THSD7B: variants seen among roughly 807,000 people sequenced by gnomAD.
The protein encoded by THSD7B is thrombospondin type 1 domain containing 7B.
Under a neutral mutation model 213.6 loss-of-function variants are expected in THSD7B, and 138 were observed. The ratio of observed to expected loss-of-function variants is 0.65; its 90% CI spans 0.56 to 0.74. THSD7B has a LOEUF of 0.74. Ranked by LOEUF, THSD7B falls within the 30% of genes least tolerant of loss-of-function variation. The pLI, the probability that THSD7B is intolerant of heterozygous loss-of-function variation, is 0.00. For synonymous variants in THSD7B, 742 were observed against 687.0 expected, an observed-to-expected ratio of 1.08 and a Z score of -1.25; for missense variants, 1,931 against 1,991.5, an observed-to-expected ratio of 0.97 and a Z score of 0.58.
intron 5 of THSD7B, among the ~76,000 whole-genome samples, chr2:137,138,622 G>T (rs1213428537): frequency 1.3e-5 from 2 of 152,036 alleles, no homozygotes; most frequent in African/African-American, 4.8e-5. Flanking sequence ...AAAATTGGGT[G>T]GGTTTATCAT....
At chr2:137,528,509 A>G (rs958972139) in intron 15 of THSD7B, among the ~76,000 whole-genome samples, 1 of 152,136 alleles carries the variant, frequency 6.6e-6, no homozygotes, top group Non-Finnish European at 1.5e-5. Context: ...GCCTTTACTT[A>G]TAGATCACTC....
At chr2:137,596,567 TTCAA>T (rs1448314012) in intron 17 of THSD7B, among the ~76,000 whole-genome samples, 3 of 152,078 alleles carry the variant, frequency 2.0e-5, no homozygotes, top group Non-Finnish European at 1.5e-5. Context: ...ATGAATTGAC[TTCAA>T]TCAAATTAAT....
intron 15 of THSD7B, among the ~76,000 whole-genome samples, chr2:137,500,871 A>G (rs1558818179): frequency 6.6e-6 from 1 of 152,230 alleles, no homozygotes; most frequent in Non-Finnish European, 1.5e-5. Flanking sequence ...AGAGCTTGGT[A>G]ATTGCACCAG....
At chr2:137,533,284 C>T (rs151286783) in intron 15 of THSD7B, among the ~76,000 whole-genome samples, 3 of 151,824 alleles carry the variant, frequency 2.0e-5, no homozygotes, top group African/African-American at 7.2e-5. Context: ...GGATTGTTTC[C>T]CATAGGAAAT....
intron 1 of THSD7B, among the ~76,000 whole-genome samples, chr2:136,849,993 A>G (rs1683071926): frequency 6.6e-6 from 1 of 152,090 alleles, no homozygotes; most frequent in East Asian, 1.9e-4. Context: ...GTTAAGCAGT[A>G]TCCTTTATTT....
intron 2 of THSD7B, among the ~76,000 whole-genome samples, chr2:137,011,732 T>A (rs944578930): frequency 2.0e-5 from 3 of 152,134 alleles, no homozygotes; most frequent in Admixed American, 2.0e-4. Flanking sequence ...ATCTCATCCA[T>A]CCTTCAAGAC....
rs1406732066 is a variant in THSD7B at position 137,676,589 on chromosome 2, G to A, written c.4805G>A (p.Gly1602Glu). ...QQKPLTLAYDGDLDM is the reference protein window; with the variant it reads ...QQKPLTLAYDEDLDM ...AAGCCTCTGACCTTAGCCTACGATG[G>A]AGACTTAGACATGTAATCTGAAAAA... is the stretch of plus-strand genomic sequence containing the variant. The change falls in exon 28 of 28, where the codon GGA becomes GAA. Residue 1602 changes from glycine (G) to glutamate (E), a missense_variant. Physicochemically the swap from Gly to Glu is moderately conservative, Grantham distance 98. Transcript: ENST00000409968. The A allele has an allele frequency of 1.3e-6, 2 of 1,587,946 alleles. No individual in the cohort carries two copies. The highest frequency in any genetic ancestry group is 1.7e-6 in the Non-Finnish European group (2 of 1,168,650).
In THSD7B at chr2:137,095,216, A is replaced by G. The variant is rs1048958949; in HGVS notation, c.1199+95A>G. The G allele has an allele frequency of 3.4e-6, 5 of 1,472,114 alleles. No homozygotes were observed. In the Admixed American group the frequency reaches 6.1e-5, roughly 18 times the overall value. The allele number at this position is 1,472,114 out of a possible 1,614,324, so 91.2% of individuals were successfully genotyped here. On this transcript the variant is annotated intron_variant, in intron 4 of 27. Transcript: ENST00000409968. ...ATGAAAGTAGCTGTGACTCATATTTATTGAGTCTTCACTCAGTATACAAGT... is the reference window on the plus strand; with the variant it reads ...ATGAAAGTAGCTGTGACTCATATTTGTTGAGTCTTCACTCAGTATACAAGT...
chr2:137,591,390 AT>A (rs1198246937), intron 17 of THSD7B, among the ~76,000 whole-genome samples: 1 of 151,892 alleles, frequency 6.6e-6, no homozygotes, highest in Non-Finnish European at 1.5e-5. Flanking sequence ...TCTCATTTTC[AT>A]TATGTCTACA....
intron 1 of THSD7B, among the ~76,000 whole-genome samples, chr2:136,806,950 A>G (rs996744082): frequency 1.3e-5 from 2 of 152,166 alleles, no homozygotes; most frequent in East Asian, 3.8e-4. Context: ...GGCTTTACTC[A>G]TATTTTTCTC....
chr2:136,851,062 T>C (rs1228397445), intron 1 of THSD7B, among the ~76,000 whole-genome samples: 2 of 152,136 alleles, frequency 1.3e-5, no homozygotes, highest in Admixed American at 1.3e-4. Flanking sequence ...ATCTCACTTT[T>C]CTTTCTGAAA....
At chr2:136,946,545 A>G (rs930868692) in intron 2 of THSD7B, among the ~76,000 whole-genome samples, 2 of 152,222 alleles carry the variant, frequency 1.3e-5, no homozygotes, top group African/African-American at 4.8e-5. Flanking sequence ...TTAAGTCTGC[A>G]GAAGTTTCTG....
chr2:137,533,715 G>A (rs1274819899), intron 15 of THSD7B, among the ~76,000 whole-genome samples: 1 of 151,884 alleles, frequency 6.6e-6, no homozygotes, highest in African/African-American at 2.4e-5. Flanking sequence ...TAGCATGTGA[G>A]CCCTTAGCCT....
At chr2:137,231,328 T>A in intron 8 of THSD7B, 93 bp downstream of exon 8, 1 of 1,156,466 alleles carries the variant, frequency 8.6e-7, no homozygotes, top group Non-Finnish European at 1.2e-6. Context: ...ATGGAGGAAA[T>A]AGTCACACAT....
intron 5 of THSD7B, among the ~76,000 whole-genome samples, chr2:137,118,539 G>A (rs918317077): frequency 6.6e-6 from 1 of 152,098 alleles, no homozygotes; most frequent in East Asian, 1.9e-4. Context: ...TGGTTGTAGT[G>A]GAGCAGAACA....
At chr2:136,887,273 C>G (rs898332678) in intron 2 of THSD7B, among the ~76,000 whole-genome samples, 3 of 148,462 alleles carry the variant, frequency 2.0e-5, no homozygotes, top group African/African-American at 7.5e-5. Flanking sequence ...ATAATACGTT[C>G]TGAAATAGAA....
chr2:137,560,427 C>A (rs1377291737), intron 15 of THSD7B, among the ~76,000 whole-genome samples: 1 of 152,086 alleles, frequency 6.6e-6, no homozygotes, highest in Non-Finnish European at 1.5e-5. Context: ...ATGGATGAAG[C>A]TGGAAACCAT....
At position 137,572,564 on chromosome 2, in the gene THSD7B, C is replaced by T; in HGVS notation, c.3423+8C>T. ...TGGAGCAAATGCCCACAGGTAATTT[C>T]TCTTTCTTTGTCAATGCTCTGATAA... On this transcript the variant is annotated splice_region_variant and intron_variant, in intron 17 of 27. Coordinates refer to ENST00000409968, the MANE Select transcript of THSD7B (RefSeq NM_001316349.2). 1 of 1,613,532 alleles carries T rather than the reference C, an allele frequency of 6.2e-7. No homozygotes were observed. The highest frequency in any genetic ancestry group is 1.1e-5 in the South Asian group (1 of 91,010).
chr2:137,668,935 CA>C (rs2104828241), intron 27 of THSD7B, among the ~76,000 whole-genome samples: 1 of 152,198 alleles, frequency 6.6e-6, no homozygotes, highest in East Asian at 1.9e-4. Flanking sequence ...CTTATTGTCT[CA>C]GGGGTGGCAG....
Sources: gnomAD v4.1 joint callset for allele counts (sites outside exome capture counted in the v4.1 genomes callset) on GRCh38, gnomAD v4.1.1 for gene constraint, MANE v1.5 for transcripts, NCBI Gene and HGNC (gene_info 2026-07-23, HGNC 2026-07-21) for gene names.